Variants in CMIP observed in about 807,000 individuals in gnomAD.
CMIP encodes the protein c-Maf inducing protein.
Under a neutral mutation model 97.3 loss-of-function variants are expected in CMIP, and 13 were observed. The ratio of observed to expected loss-of-function variants is 0.13; its 90% CI spans 0.09 to 0.21. The LOEUF is 0.21. Ranked by LOEUF, CMIP falls within the 10% of genes least tolerant of loss-of-function variation. The probability of loss-of-function intolerance (pLI) is 1.00; values close to 1 mark genes in which losing one functional copy is unlikely to be tolerated. For missense variants in CMIP, 847 were observed against 1,024.9 expected (o/e 0.83, Z 2.37); for synonymous variants, 538 against 436.3 (o/e 1.23, Z -2.91).
At chr16:81,636,500 G>C (rs963808362) in intron 3 of CMIP, among the ~76,000 whole-genome samples, 1 of 150,502 alleles carries the variant, frequency 6.6e-6, no homozygotes, top group Non-Finnish European at 1.5e-5. Flanking sequence ...AGAATCGCTT[G>C]AACCCAGGGG....
intron 1 of CMIP, among the ~76,000 whole-genome samples, chr16:81,587,938 GAA>G (rs2091408559): frequency 4.6e-5 from 7 of 152,206 alleles, no homozygotes; most frequent in Admixed American, 4.6e-4. Flanking sequence ...ACCCTCCATG[GAA>G]GCCTGCAGCC....
chr16:81,603,612 C>G (rs898783024), intron 1 of CMIP, among the ~76,000 whole-genome samples: 2 of 152,056 alleles, frequency 1.3e-5, no homozygotes, highest in African/African-American at 2.4e-5. Context: ...TTTTTCTGTC[C>G]CGGGATCCCA....
rs536236731 is a variant in CMIP at position 81,483,255 on chromosome 16, G to A, written c.300+37714G>A. Reference sequence around the variant, plus strand: ...AAGCTGTGCATGTGCAAAGGCCATGGGGCAGCGGCTAAAGGAGGTAAAGGA... The same window carrying A: ...AAGCTGTGCATGTGCAAAGGCCATGAGGCAGCGGCTAAAGGAGGTAAAGGA... On this transcript the variant is annotated intron_variant, in intron 1 of 20. Coordinates refer to ENST00000537098, the MANE Select transcript of CMIP (RefSeq NM_198390.3). 5.3e-5 allele frequency among the ~76,000 whole-genome samples: 8 copies of A among 152,328 alleles called. No individual in the cohort carries two copies. In the South Asian group the frequency reaches 1.7e-3, roughly 32 times the overall value.
At chr16:81,597,392 G>A (rs543319607) in intron 1 of CMIP, among the ~76,000 whole-genome samples, 41 of 152,346 alleles carry the variant, frequency 2.7e-4, no homozygotes, top group African/African-American at 8.9e-4. Context: ...AGGCCAGGGC[G>A]TGAAGTCCAA....
intron 7 of CMIP, among the ~76,000 whole-genome samples, chr16:81,667,789 AGAGAGAGAGAGTGTGTGTGT>A (rs1421331035): frequency 2.5e-4 from 27 of 109,468 alleles, no homozygotes; most frequent in Admixed American, 1.9e-3. Flanking sequence ...AGAGAGAGAG[AGAGAGAGAGAGTGTGTGTGT>A]GTGTGTGTGT....
intron 9 of CMIP, 149 bp downstream of exon 9, chr16:81,672,219 T>C (rs1393940048): frequency 1.8e-6 from 1 of 543,046 alleles, no homozygotes; most frequent in Non-Finnish European, 3.4e-6. Flanking sequence ...CCAGTTCCCC[T>C]GGGCACATTG....
chr16:81,471,541 A>C (rs1293885416), intron 1 of CMIP, among the ~76,000 whole-genome samples: 1 of 137,036 alleles, frequency 7.3e-6, no homozygotes, highest in African/African-American at 2.5e-5. Flanking sequence ...ACCAGTGTAC[A>C]CATACACACA....
intron 6 of CMIP, among the ~76,000 whole-genome samples, chr16:81,661,987 A>G (rs2092551952): frequency 6.6e-6 from 1 of 152,170 alleles, no homozygotes; most frequent in Non-Finnish European, 1.5e-5. Flanking sequence ...CAGGGAGTGA[A>G]CACCCGTGAG....
chr16:81,500,466 T>C (rs2089587647), intron 1 of CMIP, among the ~76,000 whole-genome samples: 1 of 130,214 alleles, frequency 7.7e-6, no homozygotes, highest in African/African-American at 2.8e-5. Flanking sequence ...CCTCCCTCCT[T>C]CTTTCCTCCC....
intron 10 of CMIP, among the ~76,000 whole-genome samples, chr16:81,682,603 AG>A (rs1243980264): frequency 6.6e-6 from 1 of 151,548 alleles, no homozygotes; most frequent in Admixed American, 6.6e-5. Context: ...GTGGAATTGA[AG>A]GGTCTTAAAG....
At chr16:81,696,348 G>C (rs1411854406) in intron 13 of CMIP, 7 of 600,710 alleles carry the variant, frequency 1.2e-5, no homozygotes, top group Non-Finnish European at 1.5e-5. Flanking sequence ...CCAGTAGCCA[G>C]AGTCCCCTGG....
chr16:81,494,088 C>T (rs570845412), intron 1 of CMIP, among the ~76,000 whole-genome samples: 1 of 152,346 alleles, frequency 6.6e-6, no homozygotes, highest in Admixed American at 6.5e-5. Flanking sequence ...GGTAACACCC[C>T]TGTCCACCTG....
Position 81,652,280 on chromosome 16 carries a change from G to C in CMIP, c.555G>C (p.Leu185=), listed in dbSNP as rs750430675. The part of the protein sequence containing the change: ...WEVVLKEIRT[L]VDMALTSPLQ... ...TTGTCTTGAAAGAGATCCGGACCCT[G>C]GTGGACATGGCCCTGACATCCCCCC... The change falls in exon 4 of 21, where the codon CTG becomes CTC. Residue 185 remains leucine, a synonymous_variant. Coordinates refer to ENST00000537098, the MANE Select transcript of CMIP (RefSeq NM_198390.3). The surrounding 1 kb of genome is among the most constrained non-coding windows in gnomAD (Gnocchi z 5.2). 3.7e-6 allele frequency: 6 copies of C among 1,613,776 alleles called. No individual in the cohort carries two copies. The highest frequency in any genetic ancestry group is 3.4e-6 in the Non-Finnish European group (4 of 1,179,696).
At chr16:81,542,801 A>G (rs1008885143) in intron 1 of CMIP, among the ~76,000 whole-genome samples, 2 of 151,770 alleles carry the variant, frequency 1.3e-5, no homozygotes, top group Non-Finnish European at 2.9e-5. Context: ...AACCCTAATC[A>G]CCTCCCAAAG....
chr16:81,490,753 T>TAAGGAGGGTG (rs2089392315), intron 1 of CMIP, among the ~76,000 whole-genome samples: 1 of 152,070 alleles, frequency 6.6e-6, no homozygotes, highest in Admixed American at 6.6e-5. Flanking sequence ...TGTGAAACTT[T>TAAGGAGGGTG]AAGGAGGGTG....
At chr16:81,693,327 G>A (rs549938062) in intron 12 of CMIP, 112 bp from the exon 13 acceptor site, 64 of 1,460,700 alleles carry the variant, frequency 4.4e-5, no homozygotes, top group South Asian at 1.3e-4. Context: ...CTGATCCACC[G>A]CCTTGCCCAG....
At chr16:81,663,681 C>T (rs571912301) in intron 6 of CMIP, among the ~76,000 whole-genome samples, 1 of 152,252 alleles carries the variant, frequency 6.6e-6, no homozygotes, top group East Asian at 1.9e-4. Flanking sequence ...AACAAATATC[C>T]CACAGGGTAT....
At chr16:81,542,835 A>C (rs1360834980) in intron 1 of CMIP, among the ~76,000 whole-genome samples, 6 of 152,156 alleles carry the variant, frequency 3.9e-5, no homozygotes, top group Non-Finnish European at 8.8e-5. Flanking sequence ...ATACCATCAC[A>C]TTGCAGGGTC....
At chr16:81,604,713 C>CA (rs527742265) in intron 1 of CMIP, among the ~76,000 whole-genome samples, 2 of 151,856 alleles carry the variant, frequency 1.3e-5, no homozygotes, top group Non-Finnish European at 2.9e-5. Flanking sequence ...CAAAACAAAA[C>CA]AAAAAAACAG....
Sources: allele counts gnomAD v4.1 joint callset (sites outside exome capture counted in the v4.1 genomes callset), GRCh38; gene constraint gnomAD v4.1.1; non-coding constraint Gnocchi (gnomAD v3.1); transcripts MANE v1.5; gene names NCBI Gene and HGNC (gene_info 2026-07-23, HGNC 2026-07-21).